The following OCM variants were observed in gnomAD, a reference collection of about 807,000 sequenced individuals.
The protein encoded by OCM is oncomodulin.
Under a neutral mutation model 14.1 loss-of-function variants are expected in OCM, and 18 were observed. The observed-to-expected ratio is 1.28, with a 90% CI of 0.88 to 1.89. The LOEUF (loss-of-function observed/expected upper bound fraction) is 1.89. Among genes scored for constraint, OCM ranks in the 40% most tolerant of loss-of-function variants. The pLI, the probability that OCM is intolerant of heterozygous loss-of-function variation, is 0.00. For missense variants in OCM, 140 were observed against 137.6 expected (o/e 1.02, Z -0.09); for synonymous variants, 48 against 51.0 (o/e 0.94, Z 0.25).
At chr7:5,882,437 C>G in intron 1 of OCM, 56 bp from the exon 2 acceptor site, 1 of 1,592,618 alleles carries the variant, frequency 6.3e-7, no homozygotes, top group South Asian at 1.1e-5. Flanking sequence ...GTACCTTGGC[C>G]CCAACATAGA....
intron 2 of OCM, among the ~76,000 whole-genome samples, chr7:5,883,601 T>G (rs1262556624): frequency 6.6e-6 from 1 of 151,566 alleles, no homozygotes; most frequent in Non-Finnish European, 1.5e-5. Context: ...GCAGGAGGAT[T>G]GATTGAGCCC....
At chr7:5,866,920 T>A in the OCM span, among the ~76,000 whole-genome samples, 1 of 152,186 alleles carries the variant, frequency 6.6e-6, no homozygotes, top group East Asian at 1.9e-4. Context: ...AAATATATAT[T>A]TTCCAATTTA....
chr7:5,863,811 C>T, the OCM span, among the ~76,000 whole-genome samples: 2 of 152,030 alleles, frequency 1.3e-5, no homozygotes, highest in South Asian at 2.1e-4. Flanking sequence ...GAATTACAGG[C>T]GTGAGCCACT....
At chr7:5,882,668 G>T (rs369591358) in intron 2 of OCM, 43 bp downstream of exon 2, 1 of 1,610,450 alleles carries the variant, frequency 6.2e-7, no homozygotes, top group Non-Finnish European at 8.5e-7. Context: ...GCACTGCTGA[G>T]TGGGCCTGGG....
At chr7:5,871,323 C>T in the OCM span, among the ~76,000 whole-genome samples, 8 of 146,396 alleles carry the variant, frequency 5.5e-5, no homozygotes, top group Non-Finnish European at 1.0e-4. Flanking sequence ...CCACAGCACT[C>T]AAGCCTGGGT....
At chr7:5,863,936 C>T in the OCM span, among the ~76,000 whole-genome samples, 5 of 151,720 alleles carry the variant, frequency 3.3e-5, no homozygotes, top group Middle Eastern at 3.2e-3. Context: ...CTCCTCTGGT[C>T]GTTAGTATTT....
At chr7:5,861,440 C>T in the OCM span, among the ~76,000 whole-genome samples, 4 of 151,836 alleles carry the variant, frequency 2.6e-5, no homozygotes, top group Non-Finnish European at 4.4e-5. Flanking sequence ...AAAAAGAATC[C>T]CAGTTCTTGG....
upstream of OCM, chr7:5,880,690 C>G: frequency 2.0e-6 from 1 of 501,650 alleles, no homozygotes; most frequent in Non-Finnish European, 3.6e-6. Context: ...GCCCAGGAGG[C>G]GGAGGTTGCG....
upstream of OCM, among the ~76,000 whole-genome samples, chr7:5,875,290 C>CAGG (rs1176470593): frequency 6.6e-6 from 1 of 151,968 alleles, no homozygotes; most frequent in African/African-American, 2.4e-5. Context: ...CTCCGGACCT[C>CAGG]AGGTGATCTG....
the OCM span, among the ~76,000 whole-genome samples, chr7:5,860,950 A>T: frequency 6.6e-6 from 1 of 151,930 alleles, no homozygotes; most frequent in African/African-American, 2.4e-5. Flanking sequence ...GAGCAAAAAC[A>T]GCAAGAACAG....
At chr7:5,873,385 ATTT>A in the OCM span, among the ~76,000 whole-genome samples, 3 of 151,772 alleles carry the variant, frequency 2.0e-5, no homozygotes, top group Non-Finnish European at 4.4e-5. Context: ...CTCAAAAAAA[ATTT>A]TTTTTTAATT....
rs1182950980 is a variant in OCM at position 5,883,997 on chromosome 7, A to G, written c.302A>G (p.Glu101Gly). Residue 101 changes from glutamate to glycine, a missense_variant and splice_region_variant, in exon 3 of 4, where the codon GAG becomes GGG. By Grantham distance (98) the Glu-to-Gly change is moderately conservative (BLOSUM62 -2). Coordinates refer to ENST00000242104, the MANE Select transcript of OCM (RefSeq NM_001097622.2). The part of the protein sequence containing the change: ...DNDGDGKIGA[E>G]EFQEMVHS Reference sequence around the variant, plus strand: ...GATGGAGATGGGAAAATTGGAGCAGAGGGTATGTCCACACGTGTACGTAGC... The same window carrying G: ...GATGGAGATGGGAAAATTGGAGCAGGGGGTATGTCCACACGTGTACGTAGC... 18 of 1,612,464 alleles carry G rather than the reference A, an allele frequency of 1.1e-5. No individual in the cohort carries two copies. The highest frequency in any genetic ancestry group is 1.4e-5 in the Non-Finnish European group (17 of 1,179,260).
the OCM span, among the ~76,000 whole-genome samples, chr7:5,860,772 A>G: frequency 7.1e-6 from 1 of 141,110 alleles, no homozygotes; most frequent in Admixed American, 7.3e-5. Context: ...ATATATTCGT[A>G]TATATACGTG....
At chr7:5,874,696 G>C in the OCM span, among the ~76,000 whole-genome samples, 5 of 151,952 alleles carry the variant, frequency 3.3e-5, no homozygotes, top group Admixed American at 2.6e-4. Flanking sequence ...TGTAGAGACG[G>C]GGTAGTGCTT....
In OCM at chr7:5,882,114, A is replaced by G. The variant is rs1562530325; in HGVS notation, c.62-379A>G. Among the ~76,000 whole-genome samples the G allele has an allele frequency of 1.7e-5, 2 of 119,296 alleles. 1 individual carries two copies. The highest frequency in any genetic ancestry group is 1.9e-4 in the Admixed American group (2 of 10,460). 78.3% of individuals were successfully genotyped at this position (119,296 alleles called of 152,430 possible). On this transcript the variant is annotated intron_variant, in intron 1 of 3. Transcript: ENST00000242104. ...AAAAAAAAAAAAAAAAAAAAAAAAA[A>G]AAAAAGCGCCAAAGGCCATTTAGCC...
the OCM span, among the ~76,000 whole-genome samples, chr7:5,868,429 G>A: frequency 6.6e-6 from 1 of 152,078 alleles, no homozygotes; most frequent in African/African-American, 2.4e-5. Context: ...TTACAGGTGT[G>A]AGCCACCGCG....
Position 5,880,873 on chromosome 7 carries a change from G to T in OCM, c.-17G>T. 1.2e-6 allele frequency: 2 copies of T among 1,613,520 alleles called. No homozygotes were observed. Among genetic ancestry groups the T allele is most frequent in the Non-Finnish European group, 8.5e-7 (1 of 1,179,514 alleles). Reference sequence around the variant, plus strand: ...TGGCTTATCGCCTCTCATTTATTCTGTGTGAGTAGGTAGAAAATGAGCATC... The same window carrying T: ...TGGCTTATCGCCTCTCATTTATTCTTTGTGAGTAGGTAGAAAATGAGCATC... On this transcript the variant is annotated 5_prime_UTR_variant, in exon 1 of 4. Coordinates refer to ENST00000242104, the MANE Select transcript of OCM (RefSeq NM_001097622.2).
chr7:5,871,182 C>T, the OCM span, among the ~76,000 whole-genome samples: 9 of 147,122 alleles, frequency 6.1e-5, no homozygotes, highest in Non-Finnish European at 1.0e-4. Context: ...GCCCCCCCCC[C>T]GTCTCTACAA....
upstream of OCM, among the ~76,000 whole-genome samples, chr7:5,878,619 C>T (rs867569339): frequency 7.3e-3 from 1,097 of 150,806 alleles, 23 homozygotes; most frequent in African/African-American, 0.026. Flanking sequence ...TTGTGGCGGG[C>T]GCCTGCAGTC....
Sources: allele counts gnomAD v4.1 joint callset (sites outside exome capture counted in the v4.1 genomes callset), GRCh38; gene constraint gnomAD v4.1.1; transcripts MANE v1.5; gene names NCBI Gene and HGNC (gene_info 2026-07-23, HGNC 2026-07-21).